JAZF1: variants seen among roughly 807,000 people sequenced by gnomAD.
JAZF1 encodes JAZF zinc finger 1, also known as juxtaposed with another zinc finger protein 1.
Under a neutral mutation model 26.4 loss-of-function variants are expected in JAZF1, and 8 were observed. The ratio of observed to expected loss-of-function variants is 0.30; its 90% CI spans 0.18 to 0.55. The LOEUF (loss-of-function observed/expected upper bound fraction) is 0.55, where lower values mean the gene tolerates loss of function less well. JAZF1 is among the 20% of genes least tolerant of loss of function. The pLI is 0.94. For synonymous variants in JAZF1, 126 were observed against 122.3 expected (o/e 1.03, Z -0.20); for missense variants, 199 against 322.0 (o/e 0.62, Z 2.92).
chr7:27,876,732 T>C (rs1312111685), intron 3 of JAZF1, among the ~76,000 whole-genome samples: 1 of 152,130 alleles, frequency 6.6e-6, no homozygotes, highest in Non-Finnish European at 1.5e-5. Flanking sequence ...AAACGCAAGG[T>C]GATGGCAAGA....
At chr7:27,843,841 G>C (rs1782968591) in intron 3 of JAZF1, 1 of 152,274 alleles carries the variant, frequency 6.6e-6, no homozygotes, top group African/African-American at 2.4e-5. Flanking sequence ...CTGAGTTCCT[G>C]TTTTTAGGAC....
chr7:28,080,941 C>CAA lies in JAZF1; in HGVS notation c.116-88962_116-88961dup, dbSNP rs369075162. The stretch of plus-strand genomic sequence containing the variant: ...TAAACCTACAATTTGTAAAAAAAAA[C>CAA]AAAAAAAAAAATGCACTGTCTGCCA... On this transcript the variant is annotated intron_variant, in intron 1 of 4. Transcript: ENST00000283928. 1.3e-3 allele frequency among the ~76,000 whole-genome samples: 182 copies of CAA among 139,676 alleles called. 1 individual carries two copies. The highest frequency in any genetic ancestry group is 4.5e-3 in the African/African-American group (170 of 37,496). 91.6% of individuals were successfully genotyped at this position (139,676 alleles called of 152,430 possible).
intron 1 of JAZF1, among the ~76,000 whole-genome samples, chr7:28,112,728 T>A (rs1784681978): frequency 6.6e-6 from 1 of 152,020 alleles, no homozygotes; most frequent in Non-Finnish European, 1.5e-5. Context: ...AGGTTAGCAG[T>A]CAAATAAGAT....
At chr7:28,053,271 G>A (rs1045783849) in intron 1 of JAZF1, among the ~76,000 whole-genome samples, 9 of 152,166 alleles carry the variant, frequency 5.9e-5, no homozygotes, top group East Asian at 1.9e-4. Flanking sequence ...AAATAATAGC[G>A]TAAATAATTT....
chr7:27,938,424 A>T (rs1267984770), intron 2 of JAZF1, among the ~76,000 whole-genome samples: 1 of 152,218 alleles, frequency 6.6e-6, no homozygotes, highest in Non-Finnish European at 1.5e-5. Context: ...TGGCCCATTC[A>T]TCTATTGACT....
chr7:27,944,884 C>T (rs908049636), intron 2 of JAZF1, among the ~76,000 whole-genome samples: 2 of 152,144 alleles, frequency 1.3e-5, no homozygotes, highest in East Asian at 1.9e-4. Flanking sequence ...GATCATTTGG[C>T]TTTGCAGGAA....
chr7:28,169,044 A>G (rs909184635), intron 1 of JAZF1, among the ~76,000 whole-genome samples: 4 of 152,230 alleles, frequency 2.6e-5, no homozygotes, highest in African/African-American at 9.6e-5. Context: ...TTATAAATCA[A>G]TAAGGCTGAT....
At chr7:27,876,263 A>G (rs1783677845) in intron 3 of JAZF1, among the ~76,000 whole-genome samples, 1 of 152,230 alleles carries the variant, frequency 6.6e-6, no homozygotes, top group South Asian at 2.1e-4. Flanking sequence ...GAACTGTTTT[A>G]TCTAATACAG....
At chr7:27,918,430 T>C (rs906927156) in intron 2 of JAZF1, among the ~76,000 whole-genome samples, 3 of 152,094 alleles carry the variant, frequency 2.0e-5, no homozygotes, top group Admixed American at 2.0e-4. Context: ...TGCCCATATA[T>C]ATTAGTATCA....
Position 28,118,539 on chromosome 7 carries a change from G to C in JAZF1, c.115+61924C>G, listed in dbSNP as rs117608238. ...GAGTATTTTTTAACAAGGATCTAACGTTCCCAATTATTTCTATTTGAAAAT... is the reference window on the plus strand; with the variant it reads ...GAGTATTTTTTAACAAGGATCTAACCTTCCCAATTATTTCTATTTGAAAAT... On this transcript the variant is annotated intron_variant, in intron 1 of 4. Transcript: ENST00000283928. Among the ~76,000 whole-genome samples, 4 of 152,144 alleles carry C rather than the reference G, an allele frequency of 2.6e-5. No homozygotes were observed. The East Asian group carries it at 7.7e-4, about 29-fold the overall frequency.
At chr7:28,024,831 T>C (rs1297578373) in intron 1 of JAZF1, among the ~76,000 whole-genome samples, 4 of 152,210 alleles carry the variant, frequency 2.6e-5, no homozygotes, top group African/African-American at 4.8e-5. Context: ...GAGTTTATAA[T>C]CTACCAGGGG....
intron 1 of JAZF1, among the ~76,000 whole-genome samples, chr7:28,121,113 C>A (rs1236194800): frequency 6.8e-6 from 1 of 146,430 alleles, no homozygotes; most frequent in Non-Finnish European, 1.5e-5. Context: ...GGCTGAAGAA[C>A]CCTTTGAATC....
chr7:28,091,727 T>C (rs1784301182), intron 1 of JAZF1, among the ~76,000 whole-genome samples: 1 of 151,724 alleles, frequency 6.6e-6, no homozygotes, highest in South Asian at 2.1e-4. Flanking sequence ...CTTTATTACT[T>C]TGGGGTTTTA....
intron 1 of JAZF1, among the ~76,000 whole-genome samples, chr7:28,099,621 C>T (rs1429301396): frequency 6.6e-6 from 1 of 152,118 alleles, no homozygotes; most frequent in Non-Finnish European, 1.5e-5. Flanking sequence ...GGATTACAGG[C>T]ATGCACCACC....
chr7:27,851,909 A>T (rs2128334306), intron 3 of JAZF1, among the ~76,000 whole-genome samples: 1 of 148,032 alleles, frequency 6.8e-6, no homozygotes, highest in African/African-American at 2.5e-5. Context: ...TGAGTTATGG[A>T]CCCACACTGA....
At chr7:28,062,566 T>A (rs372275528) in intron 1 of JAZF1, among the ~76,000 whole-genome samples, 3 of 151,738 alleles carry the variant, frequency 2.0e-5, no homozygotes, top group South Asian at 4.2e-4. Flanking sequence ...ATACTCCAAG[T>A]GCCCACCGTG....
chr7:27,906,862 A>G (rs1158592786), intron 2 of JAZF1, among the ~76,000 whole-genome samples: 2 of 151,878 alleles, frequency 1.3e-5, no homozygotes, highest in African/African-American at 2.4e-5. Context: ...CGTAAAGACT[A>G]ATGAACAAAA....
chr7:27,867,313 A>G (rs1783489581), intron 3 of JAZF1, among the ~76,000 whole-genome samples: 1 of 152,210 alleles, frequency 6.6e-6, no homozygotes. Context: ...CTTCCAAGAC[A>G]TAGCATATGA....
intron 1 of JAZF1, among the ~76,000 whole-genome samples, chr7:28,022,423 A>C (rs1783021496): frequency 6.6e-6 from 1 of 152,244 alleles, no homozygotes; most frequent in Non-Finnish European, 1.5e-5. Flanking sequence ...GAGACAGTTT[A>C]GGACAACATC....
Sources: gnomAD v4.1 joint callset for allele counts (sites outside exome capture counted in the v4.1 genomes callset) on GRCh38, gnomAD v4.1.1 for gene constraint, MANE v1.5 for transcripts, NCBI Gene and HGNC (gene_info 2026-07-23, HGNC 2026-07-21) for gene names.